Variants in RBFOX1 observed in about 807,000 individuals in gnomAD.
The protein encoded by RBFOX1 is RNA binding fox-1 homolog 1, also known as RNA binding protein fox-1 homolog 1.
Under a neutral mutation model 57.7 loss-of-function variants are expected in RBFOX1, and 8 were observed. The observed-to-expected ratio is 0.14, with a 90% CI of 0.08 to 0.25. RBFOX1 has a LOEUF of 0.25. Among genes scored for constraint, RBFOX1 ranks in the 10% least tolerant of loss-of-function variants. The pLI, the probability that RBFOX1 is intolerant of heterozygous loss-of-function variation, is 1.00. For synonymous variants in RBFOX1, 326 were observed against 222.4 expected, an observed-to-expected ratio of 1.47 and a Z score of -4.15; for missense variants, 611 against 548.5, an observed-to-expected ratio of 1.11 and a Z score of -1.14.
At chr16:7,709,003 T>C (rs749878364) in intron 14 of RBFOX1, 53 bp from the exon 15 acceptor site, 52 of 1,517,284 alleles carry the variant, frequency 3.4e-5, no homozygotes, top group African/African-American at 4.1e-5. Context: ...ATGATTGTTA[T>C]TGTTTTGTAA....
intron 1 of RBFOX1, among the ~76,000 whole-genome samples, chr16:6,211,083 A>G (rs1351620183): frequency 1.3e-5 from 2 of 151,494 alleles, no homozygotes; most frequent in Non-Finnish European, 2.9e-5. Context: ...AAACATCAAG[A>G]AAGATCTTAG....
chr16:5,856,221 A>G (rs1168529640), intron 3 of RBFOX1, among the ~76,000 whole-genome samples: 1 of 50,618 alleles, frequency 2.0e-5, no homozygotes, highest in African/African-American at 6.9e-5. Flanking sequence ...ATATATGTAT[A>G]TATATATGTA....
At chr16:5,672,518 C>T (rs2050042529) in intron 3 of RBFOX1, among the ~76,000 whole-genome samples, 1 of 152,170 alleles carries the variant, frequency 6.6e-6, no homozygotes, top group Admixed American at 6.5e-5. Flanking sequence ...CAGACCCTAG[C>T]AAGGACCCAA....
At chr16:5,765,081 C>A (rs1033349471) in intron 3 of RBFOX1, among the ~76,000 whole-genome samples, 2 of 152,166 alleles carry the variant, frequency 1.3e-5, no homozygotes, top group African/African-American at 2.4e-5. Flanking sequence ...AATGTGTGCA[C>A]AGGCAAGCAT....
intron 3 of RBFOX1, among the ~76,000 whole-genome samples, chr16:6,952,842 G>A (rs2081042188): frequency 6.6e-6 from 1 of 151,914 alleles, no homozygotes; most frequent in South Asian, 2.1e-4. Context: ...GGGTATGGTG[G>A]TGCATGCCTG....
At chr16:7,448,877 A>G (rs1016562432) in intron 4 of RBFOX1, among the ~76,000 whole-genome samples, 1 of 151,210 alleles carries the variant, frequency 6.6e-6, no homozygotes, top group African/African-American at 2.4e-5. Context: ...TACATCTGCA[A>G]CAAATAAGGT....
chr16:5,462,719 G>A (rs1332049872), intron 1 of RBFOX1, among the ~76,000 whole-genome samples: 2 of 152,172 alleles, frequency 1.3e-5, no homozygotes, highest in Admixed American at 1.3e-4. Context: ...AGGAATTGGT[G>A]TCTCCACACT....
intron 3 of RBFOX1, among the ~76,000 whole-genome samples, chr16:6,893,295 G>T (rs1280543559): frequency 1.3e-5 from 2 of 152,160 alleles, no homozygotes; most frequent in African/African-American, 4.8e-5. Flanking sequence ...AGATTACTGG[G>T]AGTCGGGAAA....
intron 4 of RBFOX1, among the ~76,000 whole-genome samples, chr16:7,129,543 G>C (rs1410841257): frequency 6.6e-6 from 1 of 152,112 alleles, no homozygotes; most frequent in Non-Finnish European, 1.5e-5. Context: ...GATTACAATG[G>C]AGAGACACAT....
At chr16:7,038,037 C>G (rs899862111) in intron 3 of RBFOX1, among the ~76,000 whole-genome samples, 1 of 152,166 alleles carries the variant, frequency 6.6e-6, no homozygotes, top group South Asian at 2.1e-4. Flanking sequence ...AACATATATT[C>G]TATCCCAGTA....
intron 4 of RBFOX1, among the ~76,000 whole-genome samples, chr16:5,934,738 T>A (rs2059133840): frequency 6.6e-6 from 1 of 152,214 alleles, no homozygotes; most frequent in Middle Eastern, 3.2e-3. Flanking sequence ...ACGTGTCATT[T>A]AATTAATTAA....
At chr16:7,006,765 A>C (rs774666608) in intron 3 of RBFOX1, among the ~76,000 whole-genome samples, 2 of 152,184 alleles carry the variant, frequency 1.3e-5, no homozygotes, top group African/African-American at 2.4e-5. Flanking sequence ...TGATTAAGAA[A>C]AAGTAAACCC....
intron 3 of RBFOX1, among the ~76,000 whole-genome samples, chr16:6,746,692 A>G (rs74815641): frequency 6.6e-6 from 1 of 151,896 alleles, no homozygotes; most frequent in Non-Finnish European, 1.5e-5. Flanking sequence ...AAAAAAAAAA[A>G]GTGTTGTCTT....
At chr16:6,225,238 A>G (rs1346247731) in intron 1 of RBFOX1, among the ~76,000 whole-genome samples, 1 of 152,000 alleles carries the variant, frequency 6.6e-6, no homozygotes, top group Non-Finnish European at 1.5e-5. Flanking sequence ...AGTTATATAT[A>G]TATATATAAA....
intron 4 of RBFOX1, among the ~76,000 whole-genome samples, chr16:7,085,842 A>G (rs958563829): frequency 3.9e-5 from 6 of 152,188 alleles, no homozygotes; most frequent in Non-Finnish European, 7.3e-5. Context: ...TCCTGGTTTT[A>G]GCACTGAAAA....
rs185156862 is a variant in RBFOX1, at chr16:7,419,913, C to A, written c.28-98234C>A. ...GCATTGACCTAAAAGGATCTGTTTTCTTTCTTTCTTCCTTTTTTTTTTTTT... is the reference window on the plus strand; with the variant it reads ...GCATTGACCTAAAAGGATCTGTTTTATTTCTTTCTTCCTTTTTTTTTTTTT... On this transcript the variant is annotated intron_variant, in intron 4 of 15. Coordinates refer to ENST00000550418, the MANE Select transcript of RBFOX1 (RefSeq NM_018723.4). Among the ~76,000 whole-genome samples the A allele has an allele frequency of 1.2e-3, 132 of 114,528 alleles. 2 individuals are homozygous for A. The highest frequency in any genetic ancestry group is 4.2e-3 in the African/African-American group (124 of 29,308). The allele number at this position is 114,528 out of a possible 152,430, so 75.1% of individuals were successfully genotyped here.
chr16:6,948,507 C>A (rs2080029871), intron 3 of RBFOX1, among the ~76,000 whole-genome samples: 1 of 150,718 alleles, frequency 6.6e-6, no homozygotes, highest in Admixed American at 6.6e-5. Flanking sequence ...CTCAGCCTCC[C>A]AAGTAGCTTG....
At chr16:5,845,760 C>G (rs2151854996) in intron 3 of RBFOX1, among the ~76,000 whole-genome samples, 1 of 152,218 alleles carries the variant, frequency 6.6e-6, no homozygotes, top group Non-Finnish European at 1.5e-5. Flanking sequence ...CTAGTGGTGA[C>G]TCTTATTGGA....
chr16:7,087,065 T>A (rs1257133148), intron 4 of RBFOX1, among the ~76,000 whole-genome samples: 1 of 152,114 alleles, frequency 6.6e-6, no homozygotes, highest in Non-Finnish European at 1.5e-5. Context: ...TGTAGACAAG[T>A]GTGCTGAGCT....
Sources: allele counts gnomAD v4.1 joint callset (sites outside exome capture counted in the v4.1 genomes callset), GRCh38; gene constraint gnomAD v4.1.1; transcripts MANE v1.5; gene names NCBI Gene and HGNC (gene_info 2026-07-23, HGNC 2026-07-21).